LRMDA: variants seen among roughly 807,000 people sequenced by gnomAD.
LRMDA encodes the protein leucine rich melanocyte differentiation associated.
Under a neutral mutation model 29.8 loss-of-function variants are expected in LRMDA, and 18 were observed. That is an observed-to-expected ratio of 0.60 (90% CI 0.42 to 0.90). LRMDA has a LOEUF of 0.90. Among genes scored for constraint, LRMDA ranks in the 40% least tolerant of loss-of-function variants. The pLI is 0.00. For synonymous variants in LRMDA, 125 were observed against 109.4 expected, an observed-to-expected ratio of 1.14 and a Z score of -0.89; for missense variants, 273 against 273.9, an observed-to-expected ratio of 1.00 and a Z score of 0.02.
intron 2 of LRMDA, among the ~76,000 whole-genome samples, chr10:75,840,060 G>C (rs1415168381): frequency 6.6e-6 from 1 of 152,178 alleles, no homozygotes; most frequent in East Asian, 1.9e-4. Context: ...CATCAGCTGG[G>C]TAGACACTTT....
At chr10:75,831,048 CTT>C (rs79078199) in intron 2 of LRMDA, among the ~76,000 whole-genome samples, 9 of 144,066 alleles carry the variant, frequency 6.2e-5, no homozygotes, top group Admixed American at 7.0e-5. Context: ...GAAGTCAAAT[CTT>C]TTTTTTTTTT....
At chr10:75,710,199 T>C (rs1842419634) in intron 2 of LRMDA, among the ~76,000 whole-genome samples, 1 of 152,226 alleles carries the variant, frequency 6.6e-6, no homozygotes, top group Non-Finnish European at 1.5e-5. Flanking sequence ...ATCTAATTTT[T>C]AGCACAGAAA....
At chr10:75,907,540 G>A (rs1436622452) in intron 2 of LRMDA, among the ~76,000 whole-genome samples, 1 of 152,186 alleles carries the variant, frequency 6.6e-6, no homozygotes, top group Non-Finnish European at 1.5e-5. Context: ...TACCTTCTCT[G>A]TGACAAACAA....
chr10:75,505,435 G>A (rs1160392517), intron 2 of LRMDA, among the ~76,000 whole-genome samples: 1 of 152,106 alleles, frequency 6.6e-6, no homozygotes, highest in African/African-American at 2.4e-5. Flanking sequence ...TAGATAATCA[G>A]GGGACAGCCA....
chr10:75,632,984 G>A (rs1450014761), intron 2 of LRMDA, among the ~76,000 whole-genome samples: 1 of 151,888 alleles, frequency 6.6e-6, no homozygotes, highest in Admixed American at 6.6e-5. Context: ...TCCCAGGGGA[G>A]CAGACTCCTG....
At chr10:76,426,577 G>C (rs371447649) in intron 6 of LRMDA, among the ~76,000 whole-genome samples, 7 of 152,160 alleles carry the variant, frequency 4.6e-5, no homozygotes, top group East Asian at 3.9e-4. Context: ...ATGGTAGTTT[G>C]TTTTGCTGTG....
intron 6 of LRMDA, among the ~76,000 whole-genome samples, chr10:76,477,369 G>A (rs1436157374): frequency 6.6e-6 from 1 of 152,104 alleles, no homozygotes; most frequent in Non-Finnish European, 1.5e-5. Context: ...TCTTCAAGGA[G>A]AACTACAAAC....
chr10:76,031,182 G>A (rs1226385251), intron 2 of LRMDA, among the ~76,000 whole-genome samples: 1 of 152,192 alleles, frequency 6.6e-6, no homozygotes, highest in Non-Finnish European at 1.5e-5. Flanking sequence ...GAGGTCTGGG[G>A]GTGCCAAGGA....
intron 6 of LRMDA, among the ~76,000 whole-genome samples, chr10:76,334,776 G>C (rs1243630539): frequency 6.6e-6 from 1 of 152,130 alleles, no homozygotes; most frequent in East Asian, 1.9e-4. Flanking sequence ...GCAGGGGCCT[G>C]TTGCTGTTTC....
rs548573357 is a variant in LRMDA, at chr10:75,611,931, T to C, written c.131+173437T>C. On this transcript the variant is annotated intron_variant, in intron 2 of 6. Coordinates refer to ENST00000611255, the MANE Select transcript of LRMDA (RefSeq NM_001305581.2). ...AGCCCCTGGCTGGGTGTCCTCCCTGTTGATACTTTTTTGGTCCCCTTCTCC... is the reference window on the plus strand; with the variant it reads ...AGCCCCTGGCTGGGTGTCCTCCCTGCTGATACTTTTTTGGTCCCCTTCTCC... 1.1e-4 allele frequency among the ~76,000 whole-genome samples: 16 copies of C among 152,344 alleles called. No individual in the cohort carries two copies. The East Asian group carries it at 1.9e-3, about 18-fold the overall frequency.
intron 2 of LRMDA, among the ~76,000 whole-genome samples, chr10:75,895,527 A>G (rs1383597015): frequency 4.6e-5 from 7 of 152,280 alleles, no homozygotes; most frequent in African/African-American, 1.7e-4. Context: ...GTGTTGCTTG[A>G]TTCCAGAATC....
intron 5 of LRMDA, among the ~76,000 whole-genome samples, chr10:76,189,968 C>T (rs1056033939): frequency 6.6e-6 from 1 of 152,148 alleles, no homozygotes; most frequent in African/African-American, 2.4e-5. Context: ...CAACTAGTAG[C>T]CCTGCACTGG....
intron 2 of LRMDA, among the ~76,000 whole-genome samples, chr10:75,794,112 C>T (rs1843613742): frequency 6.6e-6 from 1 of 152,218 alleles, no homozygotes. Flanking sequence ...TATTTGTTAC[C>T]ACCACATAAT....
At chr10:76,314,356 G>A (rs1033933737) in intron 5 of LRMDA, among the ~76,000 whole-genome samples, 5 of 152,146 alleles carry the variant, frequency 3.3e-5, no homozygotes, top group African/African-American at 1.2e-4. Context: ...ACAGGTGTGA[G>A]CCATCGTGCC....
intron 2 of LRMDA, among the ~76,000 whole-genome samples, chr10:75,576,736 C>A (rs1193128108): frequency 6.6e-6 from 1 of 152,172 alleles, no homozygotes; most frequent in Non-Finnish European, 1.5e-5. Flanking sequence ...GACAGTGATA[C>A]CCAGGCAAAC....
chr10:75,761,710 A>T (rs373908968), intron 2 of LRMDA, among the ~76,000 whole-genome samples: 36 of 152,334 alleles, frequency 2.4e-4, no homozygotes, highest in African/African-American at 7.9e-4. Context: ...ATGTTTTACC[A>T]CAATAAAAAA....
At chr10:76,358,692 T>G (rs990709877) in intron 6 of LRMDA, among the ~76,000 whole-genome samples, 3 of 152,186 alleles carry the variant, frequency 2.0e-5, no homozygotes, top group Non-Finnish European at 4.4e-5. Context: ...ATAACCTTGA[T>G]TTTATCTGCA....
intron 6 of LRMDA, among the ~76,000 whole-genome samples, chr10:76,525,852 T>G (rs1291099923): frequency 1.3e-5 from 2 of 152,210 alleles, no homozygotes; most frequent in African/African-American, 4.8e-5. Context: ...ATTTGAATCC[T>G]GACCTGTTTG....
At chr10:75,623,131 G>A (rs12164797) in intron 2 of LRMDA, among the ~76,000 whole-genome samples, 2,045 of 152,272 alleles carry the variant, frequency 0.013, 37 homozygotes, top group African/African-American at 0.044. Flanking sequence ...AGTGAGACTA[G>A]CAACTTTAAA....
Sources: gnomAD v4.1 joint callset for allele counts (sites outside exome capture counted in the v4.1 genomes callset) on GRCh38, gnomAD v4.1.1 for gene constraint, MANE v1.5 for transcripts, NCBI Gene and HGNC (gene_info 2026-07-23, HGNC 2026-07-21) for gene names.